PCBP4: variants seen among roughly 807,000 people sequenced by gnomAD.
PCBP4 encodes the protein poly(rC)-binding protein 4.
A neutral mutation model predicts 46.2 loss-of-function variants in PCBP4; 24 were observed. That is an observed-to-expected ratio of 0.52 (90% CI 0.38 to 0.73). The LOEUF is 0.73. Ranked by LOEUF, PCBP4 falls within the 30% of genes least tolerant of loss-of-function variation. The probability of loss-of-function intolerance (pLI) is 0.00; values close to 1 mark genes in which losing one functional copy is unlikely to be tolerated. For missense variants in PCBP4, 407 were observed against 537.0 expected (o/e 0.76, Z 2.39); for synonymous variants, 203 against 224.4 (o/e 0.90, Z 0.85).
At position 51,958,871 on chromosome 3, in the gene PCBP4, G is replaced by A. The variant is rs1699981836; in HGVS notation, c.842C>T (p.Ala281Val). 6.2e-7 allele frequency: 1 copy of A among 1,613,856 alleles called. No individual in the cohort carries two copies. Among genetic ancestry groups the A allele is most frequent in the Non-Finnish European group, 8.5e-7 (1 of 1,179,964 alleles). ...SGAHIKIGNQ[A>V]EGAGERHVTI... The stretch of plus-strand genomic sequence containing the variant: ...GACATGCCGCTCCCCAGCGCCCTCT[G>A]CTTGGTTCCCGATCTTGATATGTGC... The change falls in exon 13 of 14, where the codon GCA becomes GTA. Residue 281 changes from alanine to valine, a missense_variant. Transcript: ENST00000461554. The surrounding 1 kb of genome is among the most constrained non-coding windows in gnomAD (Gnocchi z 5.4).
Position 51,962,580 on chromosome 3 carries a change from T to G in PCBP4, c.-212-492A>C, listed in dbSNP as rs150888630. Among the ~76,000 whole-genome samples, 22 of 152,214 alleles carry G rather than the reference T, an allele frequency of 1.4e-4. No homozygotes were observed. The East Asian group carries it at 4.1e-3, about 28-fold the overall frequency. On this transcript the variant is annotated intron_variant, in intron 1 of 13. Transcript: ENST00000461554. Reference sequence around the variant, plus strand: ...CCCAGGAGGGTGTGGGGATGAAGGATGAGTGTGCTGAGCTTGGAACACTCC... The same window carrying G: ...CCCAGGAGGGTGTGGGGATGAAGGAGGAGTGTGCTGAGCTTGGAACACTCC...
Position 51,960,604 on chromosome 3 carries a change from A to C in PCBP4, c.177T>G (p.Pro59=), listed in dbSNP as rs1700107697. The C allele has an allele frequency of 6.2e-7, 1 of 1,614,092 alleles. No individual in the cohort carries two copies. Residue 59 remains proline, a synonymous_variant, in exon 6 of 14, where the codon CCT becomes CCG. Transcript: ENST00000461554. This position sits in a 1 kb window ranked among gnomAD's most constrained non-coding sequence, Gnocchi z 5.0. ...ARITISEGSC[P]ERITTITGST... ...ACCCGGTGATGGTGGTGATGCGTTC[A>C]GGGCAGGAGCCCTCGGAGATGGTGA...
chr3:51,966,338 C>T (rs998587689), intron 1 of PCBP4, among the ~76,000 whole-genome samples: 5 of 152,078 alleles, frequency 3.3e-5, no homozygotes, highest in Non-Finnish European at 5.9e-5. Flanking sequence ...CTGATGAAGG[C>T]TAGGGGGTGG....
chr3:51,960,060 C>G lies in PCBP4; in HGVS notation c.388-37G>C. On this transcript the variant is annotated intron_variant, in intron 7 of 13. Transcript: ENST00000461554. This position sits in a 1 kb window ranked among gnomAD's most constrained non-coding sequence, Gnocchi z 5.0. ...GAACAGGGGCCACTTCTGGCTGCTC[C>G]CATAACCCAGAAAAGGGCTGCCCAG... 2.5e-6 allele frequency: 4 copies of G among 1,614,216 alleles called. No individual in the cohort carries two copies. Among genetic ancestry groups the G allele is most frequent in the Non-Finnish European group, 3.4e-6 (4 of 1,180,038 alleles).
chr3:51,960,145 C>T lies in PCBP4; in HGVS notation c.387+44G>A. The T allele has an allele frequency of 6.2e-7, 1 of 1,614,194 alleles. No individual in the cohort carries two copies. The highest frequency in any genetic ancestry group is 8.5e-7 in the Non-Finnish European group (1 of 1,180,040). On this transcript the variant is annotated intron_variant, in intron 7 of 13. Coordinates refer to ENST00000461554, the MANE Select transcript of PCBP4 (RefSeq NM_001174100.2). This position sits in a 1 kb window ranked among gnomAD's most constrained non-coding sequence, Gnocchi z 5.0. Reference sequence around the variant, plus strand: ...GCCCAACACCCCTCTTACAACTGCTCCCTTGCCCCGGATTCCCTGTGGGTG... The same window carrying T: ...GCCCAACACCCCTCTTACAACTGCTTCCTTGCCCCGGATTCCCTGTGGGTG...
At position 51,958,709 on chromosome 3, in the gene PCBP4, G is replaced by C. The variant is rs1577672989; in HGVS notation, c.923+81C>G. 6.7e-7 allele frequency: 1 copy of C among 1,492,756 alleles called. No homozygotes were observed. The highest frequency in any genetic ancestry group is 9.1e-7 in the Non-Finnish European group (1 of 1,103,094). The allele number at this position is 1,492,756 out of a possible 1,614,324, so 92.5% of individuals were successfully genotyped here. On this transcript the variant is annotated intron_variant, in intron 13 of 13. Coordinates refer to ENST00000461554, the MANE Select transcript of PCBP4 (RefSeq NM_001174100.2). The surrounding 1 kb of genome is among the most constrained non-coding windows in gnomAD (Gnocchi z 5.4). ...GGGCCCAGACAGAGAGAGGAGGCCAGCTTCCTCTCCCCACCCCTGCCTTTC... is the reference window on the plus strand; with the variant it reads ...GGGCCCAGACAGAGAGAGGAGGCCACCTTCCTCTCCCCACCCCTGCCTTTC...
At chr3:51,962,553 T>A (rs1700231059) in intron 1 of PCBP4, among the ~76,000 whole-genome samples, 1 of 152,062 alleles carries the variant, frequency 6.6e-6, no homozygotes, top group African/African-American at 2.4e-5. Context: ...AAATTCCTCA[T>A]GCCCAGGAGG....
In PCBP4 at chr3:51,960,070, G is replaced by A. The variant is rs537069111; in HGVS notation, c.388-47C>T. ...CACTTCTGGCTGCTCCCATAACCCA[G>A]AAAAGGGCTGCCCAGGCTCAGAGCT... On this transcript the variant is annotated intron_variant, in intron 7 of 13. Coordinates refer to ENST00000461554, the MANE Select transcript of PCBP4 (RefSeq NM_001174100.2). This position sits in a 1 kb window ranked among gnomAD's most constrained non-coding sequence, Gnocchi z 5.0. The A allele has an allele frequency of 1.9e-6, 3 of 1,614,206 alleles. No individual in the cohort carries two copies. The highest frequency in any genetic ancestry group is 2.5e-6 in the Non-Finnish European group (3 of 1,180,020).
rs759726331 is a variant in PCBP4, at chr3:51,959,113, G to A, written c.701-14C>T. ...CGGGATCCAGTCCTGAGGGGGAGAA[G>A]AGGGACTGAGTGTGGTTCTGGGCCT... On this transcript the variant is annotated splice_polypyrimidine_tract_variant and intron_variant, in intron 11 of 13. Transcript: ENST00000461554. The surrounding 1 kb of genome is among the most constrained non-coding windows in gnomAD (Gnocchi z 5.6). 1 of 1,613,826 alleles carries A rather than the reference G, an allele frequency of 6.2e-7. No homozygotes were observed. The highest frequency in any genetic ancestry group is 1.1e-5 in the South Asian group (1 of 91,064).
rs1222941104 is a variant in PCBP4, at chr3:51,960,987, AC to A, written c.105+22del. On this transcript the variant is annotated intron_variant, in intron 4 of 13. Coordinates refer to ENST00000461554, the MANE Select transcript of PCBP4 (RefSeq NM_001174100.2). The surrounding 1 kb of genome is among the most constrained non-coding windows in gnomAD (Gnocchi z 5.0). ...TGAAGCCTCAGCTGGAGGGGGATGT[AC>A]AGAGCAGAGCTAGGCACCTACCTTC... The A allele has an allele frequency of 6.2e-7, 1 of 1,614,220 alleles. No individual in the cohort carries two copies. Among genetic ancestry groups the A allele is most frequent in the South Asian group, 1.1e-5 (1 of 91,092 alleles).
At chr3:51,964,458 G>A (rs1700321214) in intron 1 of PCBP4, among the ~76,000 whole-genome samples, 1 of 152,182 alleles carries the variant, frequency 6.6e-6, no homozygotes, top group Non-Finnish European at 1.5e-5. Flanking sequence ...TGGCCAGAAT[G>A]TCTGGACCAG....
rs759647559 is a variant in PCBP4, at chr3:51,959,023, C to G, written c.753+24G>C. ...GACCCCCAGACCCCCTACCCACCCT[C>G]CAGCCATCCCATCCCCTGCTCACAT... On this transcript the variant is annotated intron_variant, in intron 12 of 13. Transcript: ENST00000461554. This position sits in a 1 kb window ranked among gnomAD's most constrained non-coding sequence, Gnocchi z 5.6. 6.2e-7 allele frequency: 1 copy of G among 1,613,378 alleles called. No homozygotes were observed. Among genetic ancestry groups the G allele is most frequent in the South Asian group, 1.1e-5 (1 of 91,010 alleles).
In PCBP4 at chr3:51,957,994, C is replaced by T. The variant is rs183938765; in HGVS notation, c.*67G>A. ...GACCCCAGGGTGGAGTCTCCTTGGG[C>T]GGGTAGGGTGCAGAGGCAGCCCCCT... On this transcript the variant is annotated 3_prime_UTR_variant, in exon 14 of 14. Transcript: ENST00000461554. The T allele has an allele frequency of 0.012, 17,680 of 1,438,122 alleles. 146 individuals are homozygous for T. The highest frequency in any genetic ancestry group is 0.015 in the Non-Finnish European group (16,126 of 1,073,894). The allele number at this position is 1,438,122 out of a possible 1,614,324, so 89.1% of individuals were successfully genotyped here.
At position 51,958,052 on chromosome 3, in the gene PCBP4, C is replaced by A; in HGVS notation, c.*9G>T. On this transcript the variant is annotated 3_prime_UTR_variant, in exon 14 of 14. Transcript: ENST00000461554. This position sits in a 1 kb window ranked among gnomAD's most constrained non-coding sequence, Gnocchi z 5.4. ...GTCCTGCCTGCCCCTGCCTGTACCT[C>A]AGCTGGCCTCAGTAGGGGGAGAATT... is the stretch of plus-strand genomic sequence containing the variant. 6.5e-7 allele frequency: 1 copy of A among 1,536,180 alleles called. No individual in the cohort carries two copies. The highest frequency in any genetic ancestry group is 8.7e-7 in the Non-Finnish European group (1 of 1,142,870).
rs550068658 is a variant in PCBP4 at position 51,961,285 on chromosome 3, G to A, written c.-45C>T. 33 of 1,592,800 alleles carry A rather than the reference G, an allele frequency of 2.1e-5. No individual in the cohort carries two copies. Among genetic ancestry groups the A allele is most frequent in the African/African-American group, 6.7e-5 (5 of 74,614 alleles). On this transcript the variant is annotated 5_prime_UTR_variant, in exon 3 of 14. Transcript: ENST00000461554. ...GCCACAGCGACCTGCGAGTGTGTCC[G>A]CGCTGCAACCTGGCCGGCTCTGGCA...
rs550793911 is a variant in PCBP4, at chr3:51,959,705, C to T, written c.517-54G>A. The T allele has an allele frequency of 4.0e-6, 6 of 1,505,322 alleles. No homozygotes were observed. In the South Asian group the frequency reaches 6.0e-5, roughly 15 times the overall value. The allele number at this position is 1,505,322 out of a possible 1,614,324, so 93.2% of individuals were successfully genotyped here. A position where few individuals can be genotyped will look rare whatever the true frequency, so the allele number is the denominator to read the frequency against. On this transcript the variant is annotated intron_variant, in intron 8 of 13. Coordinates refer to ENST00000461554, the MANE Select transcript of PCBP4 (RefSeq NM_001174100.2). The surrounding 1 kb of genome is among the most constrained non-coding windows in gnomAD (Gnocchi z 5.6). ...GACCCTCTCAGGCTCCGATAACCTC[C>T]CCAGCTGCCCAGTGGCCTCAGGCCC...
rs756270440 is a variant in PCBP4 at position 51,958,627 on chromosome 3, G to A, written c.923+163C>T. Among the ~76,000 whole-genome samples, 12 of 151,914 alleles carry A rather than the reference G, an allele frequency of 7.9e-5. No individual in the cohort carries two copies. The highest frequency in any genetic ancestry group is 1.5e-4 in the Non-Finnish European group (10 of 67,988). On this transcript the variant is annotated intron_variant, in intron 13 of 13. Coordinates refer to ENST00000461554, the MANE Select transcript of PCBP4 (RefSeq NM_001174100.2). This position sits in a 1 kb window ranked among gnomAD's most constrained non-coding sequence, Gnocchi z 5.4. ...TAGAGGGGGGAGATGGGGCAACAGA[G>A]GGTGAATTAGGCAAAGACCATGGGG...
At position 51,959,959 on chromosome 3, in the gene PCBP4, G is replaced by A. The variant is rs142190169; in HGVS notation, c.452C>T (p.Thr151Met). Residue 151 changes from threonine to methionine, a missense_variant, in exon 8 of 14, where the codon ACG becomes ATG. Transcript: ENST00000461554. This position sits in a 1 kb window ranked among gnomAD's most constrained non-coding sequence, Gnocchi z 5.6. ...LLPNSTERAV[T>M]VSGVPDAIIL... ...GATGGCATCAGGCACCCCAGATACC[G>A]TAACAGCTCGCTCTGTGGAGTTGGG... The A allele has an allele frequency of 1.4e-5, 22 of 1,613,196 alleles. No homozygotes were observed. The highest frequency in any genetic ancestry group is 1.6e-5 in the Non-Finnish European group (19 of 1,179,454).
At chr3:51,963,956 C>T (rs536946455) in intron 1 of PCBP4, among the ~76,000 whole-genome samples, 1 of 152,218 alleles carries the variant, frequency 6.6e-6, no homozygotes, top group Non-Finnish European at 1.5e-5. Context: ...CTGCTCCAGC[C>T]GGGTGGGCCC....
Sources: allele counts gnomAD v4.1 joint callset (sites outside exome capture counted in the v4.1 genomes callset), GRCh38; gene constraint gnomAD v4.1.1; non-coding constraint Gnocchi (gnomAD v3.1); transcripts MANE v1.5; gene names NCBI Gene and HGNC (gene_info 2026-07-23, HGNC 2026-07-21).